Variants in WDFY4 observed in about 807,000 individuals in gnomAD.
WDFY4 encodes the protein WDFY family member 4.
A neutral mutation model predicts 351.9 loss-of-function variants in WDFY4; 169 were observed. The observed-to-expected ratio is 0.48, with a 90% CI of 0.42 to 0.55. The LOEUF (loss-of-function observed/expected upper bound fraction) is 0.55. WDFY4 is among the 20% of genes least tolerant of loss of function. The pLI, the probability that WDFY4 is intolerant of heterozygous loss-of-function variation, is 0.00. For synonymous variants in WDFY4, 1,622 were observed against 1,574.6 expected, an observed-to-expected ratio of 1.03 and a Z score of -0.71; for missense variants, 3,803 against 3,935.6, an observed-to-expected ratio of 0.97 and a Z score of 0.90.
chr10:48,810,841 A>G (rs971481356), intron 29 of WDFY4, 106 bp downstream of exon 29: 2 of 1,215,692 alleles, frequency 1.6e-6, no homozygotes, highest in Admixed American at 3.3e-5. Context: ...AGCTCTGTGC[A>G]GCAGGATCAC....
intron 9 of WDFY4, 89 bp from the exon 10 acceptor site, chr10:48,733,839 TCTC>T: frequency 1.8e-6 from 2 of 1,122,896 alleles, no homozygotes; most frequent in Non-Finnish European, 2.6e-6. Flanking sequence ...TATATTCACA[TCTC>T]CTTAAGAGGA....
intron 47 of WDFY4, among the ~76,000 whole-genome samples, chr10:48,913,111 G>A (rs1031554007): frequency 2.0e-5 from 3 of 152,192 alleles, no homozygotes; most frequent in African/African-American, 7.2e-5. Context: ...AGATCTGGGG[G>A]CAAGAGTAGG....
At chr10:48,687,781 AT>A (rs35915325) in intron 1 of WDFY4, among the ~76,000 whole-genome samples, 33,595 of 107,826 alleles carry the variant, frequency 0.31, 4,389 homozygotes, top group Middle Eastern at 0.41. Flanking sequence ...CACCTGGCTA[AT>A]TTTTTTTTTT....
intron 44 of WDFY4, among the ~76,000 whole-genome samples, chr10:48,892,615 T>C (rs1317670351): frequency 6.6e-6 from 1 of 152,196 alleles, no homozygotes; most frequent in Non-Finnish European, 1.5e-5. Context: ...TCCAGATCAA[T>C]GGGGATTAAG....
intron 12 of WDFY4, among the ~76,000 whole-genome samples, chr10:48,746,306 CATT>C (rs1156802175): frequency 2.0e-5 from 3 of 152,132 alleles, no homozygotes; most frequent in Admixed American, 1.3e-4. Context: ...AAATTTTTAT[CATT>C]ATATGGTGAA....
chr10:48,723,353 G>C lies in WDFY4; in HGVS notation c.457-80G>C, dbSNP rs1224807995. 1.5e-5 allele frequency: 22 copies of C among 1,493,342 alleles called. 1 individual carries two copies. The highest frequency in any genetic ancestry group is 2.0e-5 in the Non-Finnish European group (22 of 1,121,510). The allele number at this position is 1,493,342 out of a possible 1,614,324, so 92.5% of individuals were successfully genotyped here. ...GTCCCATGGCCTCACTGAAATGGCT[G>C]CAGGGGCCTGATCCTGGGTCTGGGC... On this transcript the variant is annotated intron_variant, in intron 4 of 61. Coordinates refer to ENST00000325239, the MANE Select transcript of WDFY4 (RefSeq NM_001394531.1).
chr10:48,722,977 C>T (rs779582720), intron 4 of WDFY4, among the ~76,000 whole-genome samples: 1 of 152,160 alleles, frequency 6.6e-6, no homozygotes, highest in Non-Finnish European at 1.5e-5. Context: ...TGGGGAGGGG[C>T]CTGATCAGGT....
chr10:48,762,974 C>T (rs990722090), intron 13 of WDFY4, among the ~76,000 whole-genome samples: 1 of 152,188 alleles, frequency 6.6e-6, no homozygotes, highest in Non-Finnish European at 1.5e-5. Context: ...GGGGAAATAT[C>T]TTCAAAGATC....
intron 12 of WDFY4, among the ~76,000 whole-genome samples, chr10:48,751,007 C>A (rs757918326): frequency 6.6e-6 from 1 of 152,226 alleles, no homozygotes; most frequent in South Asian, 2.1e-4. Context: ...CTTGGACTCT[C>A]GTGCCTGGTG....
chr10:48,919,467 T>C (rs920056273), intron 47 of WDFY4, among the ~76,000 whole-genome samples: 1 of 152,234 alleles, frequency 6.6e-6, no homozygotes, highest in Non-Finnish European at 1.5e-5. Context: ...TAAAGAAGAC[T>C]GTCTTGGTCC....
At position 48,813,167 on chromosome 10, in the gene WDFY4, TGA is replaced by T. The variant is rs201506105; in HGVS notation, c.5215-788_5215-787del. Among the ~76,000 whole-genome samples the T allele has an allele frequency of 5.1e-3, 771 of 152,332 alleles. 4 individuals are homozygous for T. Among genetic ancestry groups the T allele is most frequent in the African/African-American group, 0.018 (732 of 41,570 alleles). ...AACTATTTCTTGGTCTCAATCGAGTTGAGTTAAACCTAACTGAATTGAAATAT... is the reference window on the plus strand; with the variant it reads ...AACTATTTCTTGGTCTCAATCGAGTTGTTAAACCTAACTGAATTGAAATAT... On this transcript the variant is annotated intron_variant, in intron 30 of 61. Transcript: ENST00000325239.
chr10:48,784,807 T>C (rs1296212997), intron 19 of WDFY4, among the ~76,000 whole-genome samples: 2 of 149,900 alleles, frequency 1.3e-5, no homozygotes, highest in Non-Finnish European at 3.0e-5. Flanking sequence ...CCCAAAGTGC[T>C]GGGATTACAG....
intron 47 of WDFY4, among the ~76,000 whole-genome samples, chr10:48,937,678 T>C (rs977257702): frequency 2.0e-5 from 3 of 152,228 alleles, no homozygotes; most frequent in Non-Finnish European, 4.4e-5. Flanking sequence ...TGTATGCAGA[T>C]TTTCCACGTT....
At chr10:48,726,618 C>A (rs1447094104) in intron 6 of WDFY4, among the ~76,000 whole-genome samples, 1 of 152,200 alleles carries the variant, frequency 6.6e-6, no homozygotes, top group East Asian at 1.9e-4. Context: ...GTCCTCGTAG[C>A]TGAGTGATCT....
rs562000163 is a variant in WDFY4 at position 48,879,386 on chromosome 10, G to C, written c.7167+2187G>C. 1.4e-4 allele frequency among the ~76,000 whole-genome samples: 22 copies of C among 152,328 alleles called. No homozygotes were observed. In the East Asian group the frequency reaches 2.1e-3, roughly 15 times the overall value. The stretch of plus-strand genomic sequence containing the variant: ...AGAACTGTGTCAGAAAGGATCCATA[G>C]TAAACAGATATCATGCTCCAGCTAC... On this transcript the variant is annotated intron_variant, in intron 43 of 61. Coordinates refer to ENST00000325239, the MANE Select transcript of WDFY4 (RefSeq NM_001394531.1).
At chr10:48,851,374 T>G (rs1401206249) in intron 39 of WDFY4, among the ~76,000 whole-genome samples, 1 of 152,242 alleles carries the variant, frequency 6.6e-6, no homozygotes, top group Non-Finnish European at 1.5e-5. Flanking sequence ...CCACTATTTG[T>G]GCAAATATCT....
intron 9 of WDFY4, among the ~76,000 whole-genome samples, chr10:48,732,262 A>G (rs2064488633): frequency 6.6e-6 from 1 of 152,092 alleles, no homozygotes; most frequent in African/African-American, 2.4e-5. Flanking sequence ...TTTAACTACC[A>G]TCTCCGTTGA....
At chr10:48,928,428 T>C (rs1839770218) in intron 47 of WDFY4, among the ~76,000 whole-genome samples, 1 of 148,440 alleles carries the variant, frequency 6.7e-6, no homozygotes, top group Non-Finnish European at 1.5e-5. Context: ...GGCAGCAGCA[T>C]GGATGGGACC....
intron 29 of WDFY4, 23 bp downstream of exon 29, chr10:48,810,758 G>A (rs2067418045): frequency 6.7e-7 from 1 of 1,495,440 alleles, no homozygotes; most frequent in Non-Finnish European, 8.9e-7. Flanking sequence ...CTGTCTCCAG[G>A]GAGTGGGGCA....
Sources: allele counts gnomAD v4.1 joint callset (sites outside exome capture counted in the v4.1 genomes callset), GRCh38; gene constraint gnomAD v4.1.1; transcripts MANE v1.5; gene names NCBI Gene and HGNC (gene_info 2026-07-23, HGNC 2026-07-21).